Variants in IQSEC3 observed in about 807,000 individuals in gnomAD.
IQSEC3 encodes the protein IQ motif and Sec7 domain ArfGEF 3.
IQSEC3 carries 50 observed loss-of-function variants against 105.4 expected under a neutral mutation model. That is an observed-to-expected ratio of 0.47 (90% confidence interval 0.38 to 0.60). The LOEUF (loss-of-function observed/expected upper bound fraction) is 0.60, where lower values mean the gene tolerates loss of function less well. Ranked by LOEUF, IQSEC3 falls within the 20% of genes least tolerant of loss-of-function variation. IQSEC3 has a pLI of 0.00. For missense variants in IQSEC3, 1,415 were observed against 1,630.0 expected (o/e 0.87, Z 2.27); for synonymous variants, 708 against 746.0 (o/e 0.95, Z 0.83).
Position 157,644 on chromosome 12 carries a change from T to A in IQSEC3, c.2393T>A (p.Ile798Asn), listed in dbSNP as rs782299042. 11 of 1,614,064 alleles carry A rather than the reference T, an allele frequency of 6.8e-6. No individual in the cohort carries two copies. Among genetic ancestry groups the A allele is most frequent in the Non-Finnish European group, 8.5e-6 (10 of 1,179,992 alleles). Reference protein sequence around the residue: ...LLNTDMYSPNIKPDRKMMLED... With the variant: ...LLNTDMYSPNNKPDRKMMLED... ...AACACCGACATGTACAGCCCCAACATCAAGCCTGACCGGAAGATGATGCTG... is the reference window on the plus strand; with the variant it reads ...AACACCGACATGTACAGCCCCAACAACAAGCCTGACCGGAAGATGATGCTG... The change falls in exon 7 of 14, where the codon ATC becomes AAC. Residue 798 changes from isoleucine (I) to asparagine (N), a missense_variant. By Grantham distance (149) the Ile-to-Asn change is moderately radical. Around this residue, in one of 6 missense-constraint regions of IQSEC3, gnomAD observed 213 missense variants for 306.2 expected, o/e 0.70. Coordinates refer to ENST00000538872, the MANE Select transcript of IQSEC3 (RefSeq NM_001170738.2).
At chr12:106,440 T>C (rs781877598) in intron 2 of IQSEC3, 1 of 152,316 alleles carries the variant, frequency 6.6e-6, no homozygotes, top group Non-Finnish European at 1.5e-5. Context: ...CTCTCTTCCC[T>C]GCCCCTCCGC....
intron 2 of IQSEC3, among the ~76,000 whole-genome samples, chr12:109,391 T>G (rs1225287827): frequency 5.3e-5 from 8 of 152,172 alleles, no homozygotes; most frequent in Non-Finnish European, 1.0e-4. Flanking sequence ...CTTCCTTATG[T>G]AGCCCCCCGG....
intron 1 of IQSEC3, among the ~76,000 whole-genome samples, chr12:96,965 A>G (rs1412555207): frequency 2.0e-5 from 3 of 152,342 alleles, no homozygotes; most frequent in African/African-American, 7.2e-5. Context: ...ACCAGCACTC[A>G]TAGTTAGCAG....
chr12:109,346 G>T (rs777798632), intron 2 of IQSEC3, among the ~76,000 whole-genome samples: 73 of 152,182 alleles, frequency 4.8e-4, no homozygotes, highest in South Asian at 8.3e-4. Flanking sequence ...TTTGCTGGCC[G>T]TGTTGTCCTT....
intron 1 of IQSEC3, among the ~76,000 whole-genome samples, chr12:89,606 T>A (rs117337564): frequency 6.7e-6 from 1 of 149,392 alleles, no homozygotes; most frequent in East Asian, 1.9e-4. Flanking sequence ...CCTCTTACAG[T>A]TCATCCCTTC....
chr12:89,982 G>A (rs944084328), intron 1 of IQSEC3, among the ~76,000 whole-genome samples: 1 of 152,216 alleles, frequency 6.6e-6, no homozygotes, highest in Non-Finnish European at 1.5e-5. Flanking sequence ...TTTAACTTTA[G>A]AAGAAACTGC....
At chr12:158,920 A>G (rs1227889297) in intron 7 of IQSEC3, among the ~76,000 whole-genome samples, 2 of 152,150 alleles carry the variant, frequency 1.3e-5, no homozygotes, top group African/African-American at 4.8e-5. Flanking sequence ...CAGCCTCCCA[A>G]AGTGCTGGGA....
chr12:84,631 G>A (rs1276430906), intron 1 of IQSEC3, among the ~76,000 whole-genome samples: 2 of 152,200 alleles, frequency 1.3e-5, no homozygotes, highest in South Asian at 2.1e-4. Flanking sequence ...CAAGAGGTAC[G>A]GGTGTATGTT....
intron 2 of IQSEC3, among the ~76,000 whole-genome samples, chr12:102,146 C>T (rs1278310781): frequency 3.4e-5 from 5 of 148,880 alleles, no homozygotes; most frequent in African/African-American, 5.0e-5. Context: ...TGGCTCCTCC[C>T]CCATCAGTCT....
intron 2 of IQSEC3, among the ~76,000 whole-genome samples, chr12:119,782 C>G (rs10849572): frequency 0.57 from 86,983 of 151,992 alleles, 25,193 homozygotes; most frequent in East Asian, 0.74. Flanking sequence ...TTGGTGCCTG[C>G]GTGTGGACAG....
intron 1 of IQSEC3, among the ~76,000 whole-genome samples, chr12:83,217 A>C (rs1555071144): frequency 6.6e-6 from 1 of 152,198 alleles, no homozygotes. Context: ...TAGGTTCCTC[A>C]AGGGCCAGAA....
At chr12:90,000 T>C (rs1161834641) in intron 1 of IQSEC3, among the ~76,000 whole-genome samples, 1 of 152,270 alleles carries the variant, frequency 6.6e-6, no homozygotes, top group Non-Finnish European at 1.5e-5. Flanking sequence ...TGCAAGACTG[T>C]TTTCCAAAGT....
chr12:131,353 T>G (rs1555085066), intron 3 of IQSEC3, among the ~76,000 whole-genome samples: 1 of 152,116 alleles, frequency 6.6e-6, no homozygotes, highest in Non-Finnish European at 1.5e-5. Flanking sequence ...CCCCACTCCC[T>G]GGGGCTGCCT....
chr12:171,000 G>C, intron 12 of IQSEC3, 112 bp from the exon 13 acceptor site: 1 of 1,320,644 alleles, frequency 7.6e-7, no homozygotes, highest in Middle Eastern at 2.6e-4. Context: ...GCCTCAGTGA[G>C]GAGCAGTGTG....
intron 3 of IQSEC3, among the ~76,000 whole-genome samples, chr12:137,871 C>T (rs1235159659): frequency 6.6e-6 from 1 of 151,668 alleles, no homozygotes; most frequent in African/African-American, 2.4e-5. Context: ...GCTATGTTGC[C>T]CAGCCTGGTC....
At chr12:75,687 C>G (rs1227672661) in intron 1 of IQSEC3, among the ~76,000 whole-genome samples, 2 of 152,246 alleles carry the variant, frequency 1.3e-5, no homozygotes, top group Non-Finnish European at 2.9e-5. Context: ...GAGTCAAACT[C>G]AACACCTAGA....
Position 174,996 on chromosome 12 carries a change from G to A in IQSEC3, c.3512G>A (p.Gly1171Glu). Residue 1171 changes from glycine to glutamate, a missense_variant, in exon 14 of 14, where the codon GGG (glycine) becomes GAG (glutamate). Gly to Glu is a moderately conservative substitution (Grantham distance 98). Around this residue, in one of 6 missense-constraint regions of IQSEC3, gnomAD observed 419 missense variants for 436.2 expected, o/e 0.96. Coordinates refer to ENST00000538872, the MANE Select transcript of IQSEC3 (RefSeq NM_001170738.2). ...TGTCCCCCAGGCTCCCTGCTGCACG[G>A]GCACCGCTACTCCAGTGGCTCAAGG... ...QFCPPGSLLH[G>E]HRYSSGSRSL... 1 of 1,574,536 alleles carries A rather than the reference G, an allele frequency of 6.4e-7. No individual in the cohort carries two copies. Among genetic ancestry groups the A allele is most frequent in the East Asian group, 2.3e-5 (1 of 43,974 alleles).
rs1864744540 is a variant in IQSEC3 at position 108,136 on chromosome 12, GAGT to G, written c.623+8923_623+8925del. On this transcript the variant is annotated intron_variant, in intron 2 of 13. Coordinates refer to ENST00000538872, the MANE Select transcript of IQSEC3 (RefSeq NM_001170738.2). ...CCTAACCCTAACCCTAGCTTCTATA[GAGT>G]TTCCTTTCTGATGGCCGTTTACATG... 2.0e-5 allele frequency among the ~76,000 whole-genome samples: 3 copies of G among 152,062 alleles called. No homozygotes were observed. The South Asian group carries it at 6.2e-4, about 32-fold the overall frequency.
At chr12:165,209 C>T (rs114138766) in intron 9 of IQSEC3, 26 of 571,102 alleles carry the variant, frequency 4.6e-5, no homozygotes, top group African/African-American at 1.1e-4. Flanking sequence ...GCTCAGGCGC[C>T]GTGGCTTGGC....
Sources: gnomAD v4.1 joint callset for allele counts (sites outside exome capture counted in the v4.1 genomes callset) on GRCh38, gnomAD v4.1.1 for gene constraint, gnomAD v4.1.1 regional missense constraint, MANE v1.5 for transcripts, NCBI Gene and HGNC (gene_info 2026-07-23, HGNC 2026-07-21) for gene names.